Variants in CLDN10 observed in about 807,000 individuals in gnomAD.
CLDN10 encodes the protein claudin 10, also known as claudin-10.
A neutral mutation model predicts 22.9 loss-of-function variants in CLDN10; 15 were observed. That is an observed-to-expected ratio of 0.65 (90% CI 0.44 to 1.01). The LOEUF is 1.01. Ranked by LOEUF, CLDN10 falls within the 50% of genes least tolerant of loss-of-function variation. The probability of loss-of-function intolerance (pLI) is 0.00; values close to 1 mark genes in which losing one functional copy is unlikely to be tolerated. For missense variants in CLDN10, 247 were observed against 287.8 expected, an observed-to-expected ratio of 0.86 and a Z score of 1.03; for synonymous variants, 114 against 111.4, an observed-to-expected ratio of 1.02 and a Z score of -0.15.
intron 1 of CLDN10, among the ~76,000 whole-genome samples, chr13:95,438,978 A>T (rs1449824331): frequency 1.1e-5 from 1 of 94,878 alleles, no homozygotes; most frequent in Non-Finnish European, 2.1e-5. Context: ...TCCATCGCAA[A>T]AAAAAAAAAA....
At chr13:95,552,627 C>T (rs539723935), upstream of CLDN10, 2,384 of 1,216,862 alleles carry the variant, frequency 2.0e-3, 33 homozygotes, top group African/African-American at 0.034. Flanking sequence ...GCCGGGTCCG[C>T]TGGGCGGGGT....
chr13:95,528,980 T>C (rs1200084480), intron 1 of CLDN10, among the ~76,000 whole-genome samples: 3 of 152,168 alleles, frequency 2.0e-5, no homozygotes, highest in Non-Finnish European at 4.4e-5. Context: ...AACTGAGTGA[T>C]GGCCAATCAA....
chr13:95,541,484 C>A (rs1395917458), intron 1 of CLDN10, among the ~76,000 whole-genome samples: 1 of 152,162 alleles, frequency 6.6e-6, no homozygotes, highest in African/African-American at 2.4e-5. Context: ...GCGTCTGAGC[C>A]TCCCTCTCTT....
chr13:95,481,062 C>T (rs1403039805), intron 1 of CLDN10, among the ~76,000 whole-genome samples: 6 of 152,082 alleles, frequency 3.9e-5, no homozygotes, highest in Admixed American at 1.3e-4. Flanking sequence ...AGGCACTCTC[C>T]GTCCACCCTG....
chr13:95,569,110 T>G (rs1387082045), intron 3 of CLDN10, among the ~76,000 whole-genome samples: 1 of 152,212 alleles, frequency 6.6e-6, no homozygotes, highest in Non-Finnish European at 1.5e-5. Context: ...GCTACTATTT[T>G]TAGGGATACT....
At chr13:95,569,470 G>T (rs556796640) in intron 3 of CLDN10, among the ~76,000 whole-genome samples, 57 of 152,250 alleles carry the variant, frequency 3.7e-4, no homozygotes, top group African/African-American at 1.4e-3. Context: ...TGTAGTCCCA[G>T]CTACTCAAGA....
rs182994717 is a variant in CLDN10 at position 95,562,527 on chromosome 13, T to C, written c.464+2064T>C. On this transcript the variant is annotated intron_variant, in intron 3 of 4. Coordinates refer to ENST00000299339, the MANE Select transcript of CLDN10 (RefSeq NM_006984.5). ...TCCTAATTTATTAATTTTCTCCTAC[T>C]TATCTTTCAAATGAGATTTGCACAG... 1.0e-3 allele frequency among the ~76,000 whole-genome samples: 155 copies of C among 152,350 alleles called. 1 individual carries two copies. Among genetic ancestry groups the C allele is most frequent in the Middle Eastern group, 3.4e-3 (1 of 294 alleles).
At chr13:95,444,817 C>T (rs900249203) in intron 1 of CLDN10, among the ~76,000 whole-genome samples, 4 of 152,134 alleles carry the variant, frequency 2.6e-5, no homozygotes, top group African/African-American at 9.7e-5. Context: ...GGTGTTTTTA[C>T]AGAGTCTCAC....
intron 1 of CLDN10, among the ~76,000 whole-genome samples, chr13:95,467,559 A>G (rs2042592938): frequency 6.6e-6 from 1 of 152,014 alleles, no homozygotes; most frequent in Admixed American, 6.6e-5. Context: ...TTGATGAGTA[A>G]TACTTTCTGT....
intron 1 of CLDN10, among the ~76,000 whole-genome samples, chr13:95,444,273 A>G (rs974105905): frequency 6.6e-6 from 1 of 152,232 alleles, no homozygotes; most frequent in African/African-American, 2.4e-5. Flanking sequence ...AATGTACATT[A>G]TAGAAAGCGC....
chr13:95,520,161 C>G (rs557468666), intron 1 of CLDN10, among the ~76,000 whole-genome samples: 210 of 152,268 alleles, frequency 1.4e-3, no homozygotes, highest in Middle Eastern at 3.4e-3. Context: ...CTAATCAGAA[C>G]TAATACCAGA....
chr13:95,456,956 CA>C (rs2042487681), intron 1 of CLDN10, among the ~76,000 whole-genome samples: 2 of 152,086 alleles, frequency 1.3e-5, no homozygotes, highest in South Asian at 4.1e-4. Flanking sequence ...CTGATATGTA[CA>C]AATATGTAAG....
At chr13:95,483,873 A>T (rs1175097773) in intron 1 of CLDN10, among the ~76,000 whole-genome samples, 1 of 152,132 alleles carries the variant, frequency 6.6e-6, no homozygotes, top group South Asian at 2.1e-4. Context: ...AGGTGATGGT[A>T]TTGGGATGTG....
In CLDN10 at chr13:95,560,408, C is replaced by T; in HGVS notation, c.409C>T (p.Leu137=). The T allele has an allele frequency of 6.2e-7, 1 of 1,614,076 alleles. No homozygotes were observed. The highest frequency in any genetic ancestry group is 1.1e-5 in the South Asian group (1 of 91,074). The change falls in exon 3 of 5, where the codon CTA becomes TTA. Residue 137 remains leucine (L), a synonymous_variant. Coordinates refer to ENST00000299339, the MANE Select transcript of CLDN10 (RefSeq NM_006984.5). ...GCTGTGCTCAATGACTGGATGTTCC[C>T]TATATGCAAACAAAATCACAACGGA... is the stretch of plus-strand genomic sequence containing the variant. ...SGLCSMTGCS[L]YANKITTEFF...
chr13:95,517,685 C>T (rs951831888), intron 1 of CLDN10, among the ~76,000 whole-genome samples: 1 of 152,092 alleles, frequency 6.6e-6, no homozygotes, highest in Admixed American at 6.5e-5. Context: ...CCTCTAATCC[C>T]AGCACTTTGG....
At chr13:95,441,195 AG>A (rs932950909) in intron 1 of CLDN10, among the ~76,000 whole-genome samples, 15 of 152,222 alleles carry the variant, frequency 9.9e-5, no homozygotes, top group African/African-American at 3.6e-4. Flanking sequence ...GTTCTAGAAA[AG>A]GGAGAAAGTC....
chr13:95,569,283 G>A (rs1271256461), intron 3 of CLDN10, among the ~76,000 whole-genome samples: 2 of 152,142 alleles, frequency 1.3e-5, no homozygotes, highest in Non-Finnish European at 2.9e-5. Flanking sequence ...AGGGGACCTA[G>A]CATGAAACTA....
intron 1 of CLDN10, among the ~76,000 whole-genome samples, chr13:95,511,767 CTTTT>C (rs71113940): frequency 3.8e-5 from 1 of 26,084 alleles, no homozygotes; most frequent in African/African-American, 1.0e-4. Flanking sequence ...ATTCTCTCTC[CTTTT>C]TTTTTTTTTT....
intron 1 of CLDN10, among the ~76,000 whole-genome samples, chr13:95,475,193 T>G (rs2042674205): frequency 6.6e-6 from 1 of 152,086 alleles, no homozygotes; most frequent in African/African-American, 2.4e-5. Flanking sequence ...CTGCCAGGGA[T>G]TAAGAGCCCA....
Sources: allele counts gnomAD v4.1 joint callset (sites outside exome capture counted in the v4.1 genomes callset), GRCh38; gene constraint gnomAD v4.1.1; transcripts MANE v1.5; gene names NCBI Gene and HGNC (gene_info 2026-07-23, HGNC 2026-07-21).